OPRD1: variants seen among roughly 807,000 people sequenced by gnomAD.
The protein encoded by OPRD1 is delta-type opioid receptor.
In OPRD1, 19 loss-of-function variants were observed where a neutral mutation model predicts 17.5. That is an observed-to-expected ratio of 1.09 (90% CI 0.76 to 1.60). The LOEUF is 1.60. Ranked by LOEUF, OPRD1 falls within the 40% of genes most tolerant of loss-of-function variation. The pLI is 0.00. For missense variants in OPRD1, 483 were observed against 547.2 expected, an observed-to-expected ratio of 0.88 and a Z score of 1.17; for synonymous variants, 256 against 240.9, an observed-to-expected ratio of 1.06 and a Z score of -0.58.
intron 1 of OPRD1, among the ~76,000 whole-genome samples, chr1:28,832,767 T>C (rs1412424420): frequency 1.3e-5 from 2 of 152,118 alleles, no homozygotes; most frequent in East Asian, 3.8e-4. Context: ...ATAAACAAAA[T>C]GGGAATATAC....
intron 2 of OPRD1, among the ~76,000 whole-genome samples, chr1:28,859,892 C>T (rs1476517080): frequency 6.6e-6 from 1 of 152,240 alleles, no homozygotes; most frequent in Non-Finnish European, 1.5e-5. Flanking sequence ...TAACATTCTC[C>T]AAAGCTCAGG....
chr1:28,820,148 T>A (rs1316957015), intron 1 of OPRD1, among the ~76,000 whole-genome samples: 1 of 152,070 alleles, frequency 6.6e-6, no homozygotes, highest in Non-Finnish European at 1.5e-5. Flanking sequence ...TCACACTTGC[T>A]TTGCATTCAT....
intron 1 of OPRD1, among the ~76,000 whole-genome samples, chr1:28,824,485 T>G (rs1299529350): frequency 1.3e-5 from 2 of 151,206 alleles, no homozygotes; most frequent in Non-Finnish European, 2.9e-5. Context: ...GGCTAATTTT[T>G]TTTTTTGTAT....
chr1:28,852,028 G>T (rs1166988573), intron 1 of OPRD1, among the ~76,000 whole-genome samples: 1 of 151,336 alleles, frequency 6.6e-6, no homozygotes, highest in East Asian at 1.9e-4. Context: ...TTAGCCAGGC[G>T]TGGTGGCGGG....
At chr1:28,840,481 C>A (rs1320065367) in intron 1 of OPRD1, among the ~76,000 whole-genome samples, 1 of 152,134 alleles carries the variant, frequency 6.6e-6, no homozygotes, top group Admixed American at 6.6e-5. Flanking sequence ...AAACTGAAGC[C>A]AAGAAGAAGG....
chr1:28,831,149 G>C (rs775927421), intron 1 of OPRD1, among the ~76,000 whole-genome samples: 2 of 152,222 alleles, frequency 1.3e-5, no homozygotes, highest in Non-Finnish European at 2.9e-5. Context: ...GAATGGAGCT[G>C]TCCTGCTGGG....
chr1:28,865,942 A>G lies in OPRD1; in HGVS notation c.*2659A>G, dbSNP rs574727000. On this transcript the variant is annotated 3_prime_UTR_variant, in exon 3 of 3. Transcript: ENST00000234961. ...CCTGTTTCAAGGCTGCTTGAAGCCC[A>G]CTCACTGCCATCTCCTGTGTCTGTA... 1 of 151,950 alleles carries G rather than the reference A, an allele frequency of 6.6e-6. No homozygotes were observed. Among genetic ancestry groups the G allele is most frequent in the Non-Finnish European group, 1.5e-5 (1 of 68,010 alleles). 9.4% of individuals were successfully genotyped at this position (151,950 alleles called of 1,614,324 possible).
chr1:28,857,517 G>A (rs1449674919), intron 1 of OPRD1, among the ~76,000 whole-genome samples: 2 of 151,778 alleles, frequency 1.3e-5, no homozygotes, highest in Non-Finnish European at 2.9e-5. Context: ...CAACCACTCC[G>A]GAGTACAGTG....
Position 28,849,875 on chromosome 1 carries a change from CTT to C in OPRD1, c.228-9058_228-9057del, listed in dbSNP as rs34907861. On this transcript the variant is annotated intron_variant, in intron 1 of 2. Coordinates refer to ENST00000234961, the MANE Select transcript of OPRD1 (RefSeq NM_000911.4). ...GGAAAAATAAAACATGAGAGTCAAA[CTT>C]TTTTTTTTTTTTTTTTTTTTGAGAC... is the stretch of plus-strand genomic sequence containing the variant. Among the ~76,000 whole-genome samples the C allele has an allele frequency of 4.1e-3, 479 of 118,092 alleles. 1 individual carries two copies. Among genetic ancestry groups the C allele is most frequent in the Middle Eastern group, 0.01 (2 of 192 alleles). 77.5% of individuals were successfully genotyped at this position (118,092 alleles called of 152,430 possible).
intron 1 of OPRD1, among the ~76,000 whole-genome samples, chr1:28,837,015 T>C (rs773088115): frequency 9.2e-5 from 14 of 152,316 alleles, no homozygotes; most frequent in South Asian, 8.3e-4. Context: ...TACATCATAA[T>C]ATATAATGAA....
intron 1 of OPRD1, among the ~76,000 whole-genome samples, chr1:28,829,658 C>T (rs1056039386): frequency 3.3e-5 from 5 of 151,200 alleles, no homozygotes; most frequent in African/African-American, 4.9e-5. Flanking sequence ...CGTGAGCCAC[C>T]GTGCCTGGCC....
chr1:28,828,605 G>A, intron 1 of OPRD1, among the ~76,000 whole-genome samples: 1 of 149,228 alleles, frequency 6.7e-6, no homozygotes, highest in Admixed American at 6.7e-5. Flanking sequence ...AGAGTCGCTT[G>A]AGCTCAGAAG....
At position 28,863,596 on chromosome 1, in the gene OPRD1, A is replaced by G. The variant is rs2147752860; in HGVS notation, c.*313A>G. 1 of 335,758 alleles carries G rather than the reference A, an allele frequency of 3.0e-6. No individual in the cohort carries two copies. The highest frequency in any genetic ancestry group is 4.8e-5 in the East Asian group (1 of 20,698). 20.8% of individuals were successfully genotyped at this position (335,758 alleles called of 1,614,324 possible). A position where few individuals can be genotyped will look rare whatever the true frequency, so the allele number is the denominator to read the frequency against. ...AGCGGGACCTGTGGCTCTACAACTG[A>G]GTCCTTAAACAGGGCATCTCCAGGA... is the stretch of plus-strand genomic sequence containing the variant. On this transcript the variant is annotated 3_prime_UTR_variant, in exon 3 of 3. Transcript: ENST00000234961.
At chr1:28,814,647 C>A (rs1396238328) in intron 1 of OPRD1, among the ~76,000 whole-genome samples, 2 of 152,278 alleles carry the variant, frequency 1.3e-5, no homozygotes, top group Middle Eastern at 3.4e-3. Flanking sequence ...AGCACAGCTT[C>A]CCCACTACCA....
At chr1:28,848,086 A>G (rs552151438) in intron 1 of OPRD1, among the ~76,000 whole-genome samples, 5 of 152,180 alleles carry the variant, frequency 3.3e-5, no homozygotes, top group African/African-American at 1.2e-4. Flanking sequence ...GTTCCCTACT[A>G]AAAATACAAA....
intron 1 of OPRD1, among the ~76,000 whole-genome samples, chr1:28,850,081 T>C (rs549046): frequency 0.011 from 1,617 of 152,100 alleles, 12 homozygotes; most frequent in Non-Finnish European, 0.016. Context: ...AGGGTTTCAC[T>C]GTGTTAGTCA....
chr1:28,813,548 TG>T (rs1265838055), intron 1 of OPRD1, among the ~76,000 whole-genome samples: 1 of 152,212 alleles, frequency 6.6e-6, no homozygotes, highest in East Asian at 1.9e-4. Flanking sequence ...TGGAGAGTGC[TG>T]GGACCTTCTC....
At chr1:28,820,209 TTTTTTGAGA>T in intron 1 of OPRD1, among the ~76,000 whole-genome samples, 1 of 150,624 alleles carries the variant, frequency 6.6e-6, no homozygotes, top group African/African-American at 2.5e-5. Context: ...TTTTTTTTTT[TTTTTTGAGA>T]TAGTCTCGCT....
At chr1:28,818,466 C>A (rs1410198728) in intron 1 of OPRD1, among the ~76,000 whole-genome samples, 2 of 152,118 alleles carry the variant, frequency 1.3e-5, no homozygotes, top group South Asian at 2.1e-4. Flanking sequence ...GATGCCTGTG[C>A]ATCATGGAGG....
Sources: gnomAD v4.1 joint callset for allele counts (sites outside exome capture counted in the v4.1 genomes callset) on GRCh38, gnomAD v4.1.1 for gene constraint, MANE v1.5 for transcripts, NCBI Gene and HGNC (gene_info 2026-07-23, HGNC 2026-07-21) for gene names.